PCDHGA1: variants seen among roughly 807,000 people sequenced by gnomAD.
PCDHGA1 encodes the protein protocadherin gamma-A1.
In PCDHGA1, 32 loss-of-function variants were observed where a neutral mutation model predicts 58.0. The ratio of observed to expected loss-of-function variants is 0.55; its 90% confidence interval spans 0.42 to 0.74. PCDHGA1 has a LOEUF of 0.74. Among genes scored for constraint, PCDHGA1 ranks in the 30% least tolerant of loss-of-function variants. PCDHGA1 has a pLI of 0.00. For synonymous variants in PCDHGA1, 498 were observed against 501.1 expected, an observed-to-expected ratio of 0.99 and a Z score of 0.08; for missense variants, 1,205 against 1,182.3, an observed-to-expected ratio of 1.02 and a Z score of -0.28.
intron 1 of PCDHGA1, among the ~76,000 whole-genome samples, chr5:141,438,629 TATATATACACAC>T (rs1343412075): frequency 0.05 from 2,378 of 47,602 alleles, 22 homozygotes; most frequent in African/African-American, 0.12. Context: ...TATATATATA[TATATATACACAC>T]ACACACACAC....
At chr5:141,384,679 G>A (rs773664166) in intron 1 of PCDHGA1, 33 of 1,614,216 alleles carry the variant, frequency 2.0e-5, no homozygotes, top group Non-Finnish European at 2.7e-5. Flanking sequence ...GGTGGTGGCG[G>A]TGGACAAAGA....
Position 141,485,395 on chromosome 5 carries a change from C to T in PCDHGA1, c.2422-9412C>T. On this transcript the variant is annotated intron_variant, in intron 1 of 3. Coordinates refer to ENST00000517417, the MANE Select transcript of PCDHGA1 (RefSeq NM_018912.3). The surrounding 1 kb of genome is among the most constrained non-coding windows in gnomAD (Gnocchi z 5.7). Reference sequence around the variant, plus strand: ...TCGCTGGAGAGGTGAACCAAAGACACTTCCGTGTGGATTTGGACAGCGGAG... The same window carrying T: ...TCGCTGGAGAGGTGAACCAAAGACATTTCCGTGTGGATTTGGACAGCGGAG... 5 of 1,614,154 alleles carry T rather than the reference C, an allele frequency of 3.1e-6. No homozygotes were observed. Among genetic ancestry groups the T allele is most frequent in the Non-Finnish European group, 3.4e-6 (4 of 1,180,026 alleles).
Position 141,398,413 on chromosome 5 carries a change from T to C in PCDHGA1, c.2421+65308T>C, listed in dbSNP as rs774602022. On this transcript the variant is annotated intron_variant, in intron 1 of 3. Transcript: ENST00000517417. ...CAGCAGGCTAGACAGGGAGGAGATA[T>C]GCGGGAAGAAGCCAGCTTGTGCTCT... 7.0e-5 allele frequency: 104 copies of C among 1,490,692 alleles called. 1 individual carries two copies. Among genetic ancestry groups the C allele is most frequent in the Middle Eastern group, 6.1e-4 (3 of 4,950 alleles). The allele number at this position is 1,490,692 out of a possible 1,614,324, so 92.3% of individuals were successfully genotyped here.
chr5:141,512,897 C>T lies in PCDHGA1; in HGVS notation c.*1724C>T, dbSNP rs1482341871. ...CTCCCACCCCACCCTCTTCCTGTGT[C>T]TCACGCAAGTTTTATACTCTAATAT... On this transcript the variant is annotated 3_prime_UTR_variant, in exon 4 of 4. Coordinates refer to ENST00000517417, the MANE Select transcript of PCDHGA1 (RefSeq NM_018912.3). 1.3e-5 allele frequency: 2 copies of T among 152,274 alleles called. No homozygotes were observed. The highest frequency in any genetic ancestry group is 4.8e-5 in the African/African-American group (2 of 41,470). The allele number at this position is 152,274 out of a possible 1,614,324, so 9.4% of individuals were successfully genotyped here. A position where few individuals can be genotyped will look rare whatever the true frequency, so the allele number is the denominator to read the frequency against.
At chr5:141,374,974 G>A in intron 1 of PCDHGA1, 2 of 1,613,958 alleles carry the variant, frequency 1.2e-6, no homozygotes, top group Non-Finnish European at 1.7e-6. Context: ...TGAATGTTTT[G>A]ACTGGAGAAA....
intron 1 of PCDHGA1, chr5:141,403,705 C>T: frequency 6.2e-7 from 1 of 1,613,894 alleles, no homozygotes; most frequent in Non-Finnish European, 8.5e-7. Context: ...GAGTTAAAGT[C>T]CTTGAGAACG....
intron 1 of PCDHGA1, chr5:141,430,575 A>T (rs1056696427): frequency 2.2e-6 from 1 of 455,822 alleles, no homozygotes; most frequent in Non-Finnish European, 3.7e-6. Flanking sequence ...AAAAGCGGAG[A>T]TCCTGCTCGC....
At chr5:141,479,535 G>A (rs539785154) in intron 1 of PCDHGA1, 2 of 152,378 alleles carry the variant, frequency 1.3e-5, no homozygotes, top group Non-Finnish European at 2.9e-5. Context: ...AAGTGGAGAA[G>A]GTCAAAACTG....
Position 141,429,441 on chromosome 5 carries a change from T to C in PCDHGA1, c.2422-65366T>C, listed in dbSNP as rs541676798. On this transcript the variant is annotated intron_variant, in intron 1 of 3. Transcript: ENST00000517417. ...TGTTGCCCAGGCTGGACTCAAACTCTTGGGCTACAGTAATCCTCCCACCTC... is the reference window on the plus strand; with the variant it reads ...TGTTGCCCAGGCTGGACTCAAACTCCTGGGCTACAGTAATCCTCCCACCTC... 1.5e-4 allele frequency among the ~76,000 whole-genome samples: 23 copies of C among 152,170 alleles called. No individual in the cohort carries two copies. The South Asian group carries it at 4.6e-3, about 30-fold the overall frequency.
intron 2 of PCDHGA1, among the ~76,000 whole-genome samples, chr5:141,496,116 C>G (rs1435887981): frequency 6.6e-6 from 1 of 152,178 alleles, no homozygotes; most frequent in Middle Eastern, 3.4e-3. Flanking sequence ...TCTCTTCCTT[C>G]CCTGCCCCTC....
At chr5:141,459,108 A>G (rs1240280274) in intron 1 of PCDHGA1, among the ~76,000 whole-genome samples, 1 of 152,216 alleles carries the variant, frequency 6.6e-6, no homozygotes, top group Non-Finnish European at 1.5e-5. Flanking sequence ...ATGCATTTTG[A>G]CAATTGTTTA....
At chr5:141,410,458 T>A in intron 1 of PCDHGA1, 1 of 1,614,040 alleles carries the variant, frequency 6.2e-7, no homozygotes, top group African/African-American at 1.3e-5. Flanking sequence ...CTTATTCTTA[T>A]AATCTGTGCA....
At chr5:141,463,438 C>CTTTTTTT (rs71576115) in intron 1 of PCDHGA1, among the ~76,000 whole-genome samples, 6 of 103,252 alleles carry the variant, frequency 5.8e-5, no homozygotes, top group African/African-American at 1.3e-4. Flanking sequence ...TTTCCTTCTC[C>CTTTTTTT]TTTTTTTTTT....
At chr5:141,417,954 C>A (rs2096198021) in intron 1 of PCDHGA1, 3 of 1,613,600 alleles carry the variant, frequency 1.9e-6, no homozygotes, top group South Asian at 1.1e-5. Flanking sequence ...CTGTGTGAGC[C>A]GATCCGCTAC....
At chr5:141,429,912 A>G (rs1341795921) in intron 1 of PCDHGA1, among the ~76,000 whole-genome samples, 2 of 152,234 alleles carry the variant, frequency 1.3e-5, no homozygotes, top group Admixed American at 1.3e-4. Flanking sequence ...TTGAAATATA[A>G]TGTATTAATA....
intron 1 of PCDHGA1, among the ~76,000 whole-genome samples, chr5:141,337,550 T>C (rs141895413): frequency 6.6e-6 from 1 of 152,348 alleles, no homozygotes; most frequent in East Asian, 1.9e-4. Context: ...TGATTCCTCA[T>C]ATATGAAGTT....
At chr5:141,500,782 T>G (rs2099802612) in intron 2 of PCDHGA1, among the ~76,000 whole-genome samples, 2 of 152,222 alleles carry the variant, frequency 1.3e-5, no homozygotes, top group Admixed American at 1.3e-4. Context: ...ATATACATAT[T>G]ATTTTACAGA....
chr5:141,374,902 C>A, intron 1 of PCDHGA1: 1 of 1,613,754 alleles, frequency 6.2e-7, no homozygotes, highest in South Asian at 1.1e-5. Context: ...ATGAAGGAGT[C>A]CACGGGGAAG....
intron 1 of PCDHGA1, chr5:141,417,615 A>G (rs908930043): frequency 3.2e-6 from 2 of 629,140 alleles, no homozygotes; most frequent in Non-Finnish European, 5.1e-6. Flanking sequence ...CGGCCAGTGC[A>G]GAGCAAGCGC....
Sources: allele counts gnomAD v4.1 joint callset (sites outside exome capture counted in the v4.1 genomes callset), GRCh38; gene constraint gnomAD v4.1.1; non-coding constraint Gnocchi (gnomAD v3.1); transcripts MANE v1.5; gene names NCBI Gene and HGNC (gene_info 2026-07-23, HGNC 2026-07-21).